The following MX1 variants were observed in gnomAD, a reference collection of about 807,000 sequenced individuals.
MX1 encodes the protein interferon-induced GTP-binding protein Mx1.
MX1 carries 66 observed loss-of-function variants against 66.4 expected under a neutral mutation model. That is an observed-to-expected ratio of 0.99 (90% CI 0.82 to 1.22). The LOEUF (loss-of-function observed/expected upper bound fraction) is 1.22, where lower values mean the gene tolerates loss of function less well. Ranked by LOEUF, MX1 falls within the 50% of genes most tolerant of loss-of-function variation. The pLI is 0.00. For synonymous variants in MX1, 311 were observed against 318.1 expected, an observed-to-expected ratio of 0.98 and a Z score of 0.24; for missense variants, 787 against 834.3, an observed-to-expected ratio of 0.94 and a Z score of 0.70.
intron 16 of MX1, among the ~76,000 whole-genome samples, chr21:41,457,435 T>C (rs1209906612): frequency 2.0e-5 from 3 of 152,230 alleles, no homozygotes; most frequent in Non-Finnish European, 2.9e-5. Context: ...AAGTAATTTC[T>C]TATTTTAACT....
At chr21:41,449,577 T>G (rs1186405227) in intron 14 of MX1, 4 of 309,770 alleles carry the variant, frequency 1.3e-5, no homozygotes, top group Non-Finnish European at 2.3e-5. Context: ...ATTCTTCTGA[T>G]GGACTGTTTA....
intron 16 of MX1, among the ~76,000 whole-genome samples, chr21:41,456,261 A>C (rs2090956391): frequency 6.6e-6 from 1 of 152,174 alleles, no homozygotes; most frequent in Non-Finnish European, 1.5e-5. Flanking sequence ...ACAAACAAAC[A>C]AAAAACAAAA....
intron 7 of MX1, among the ~76,000 whole-genome samples, chr21:41,439,028 G>T (rs1411887160): frequency 6.6e-6 from 1 of 152,148 alleles, no homozygotes; most frequent in Admixed American, 6.5e-5. Context: ...GCCAGAACCC[G>T]ATCTCATGAC....
rs1297354692 is a variant in MX1, at chr21:41,436,944, C to A, written c.299-71C>A. ...ATATGATTGTATAAAAGTTTGAGAA[C>A]CATGGGCCTAAGGCGCTATGTAGGT... On this transcript the variant is annotated intron_variant, in intron 6 of 16. Coordinates refer to ENST00000398598, the MANE Select transcript of MX1 (RefSeq NM_002462.5). 3.2e-6 allele frequency: 5 copies of A among 1,555,746 alleles called. No individual in the cohort carries two copies. The African/African-American group carries it at 6.9e-5, about 21-fold the overall frequency.
rs372880056 is a variant in MX1 at position 41,452,793 on chromosome 21, T to C, written c.1682T>C (p.Phe561Ser). The C allele has an allele frequency of 1.1e-5, 18 of 1,614,102 alleles. No individual in the cohort carries two copies. In the African/African-American group the frequency reaches 2.3e-4, roughly 20 times the overall value. The change falls in exon 16 of 17, where the codon TTT becomes TCT. Residue 561 changes from phenylalanine to serine, a missense_variant. Coordinates refer to ENST00000398598, the MANE Select transcript of MX1 (RefSeq NM_002462.5). ...GAAAAGAAGAAGAAATCCTGGGATT[T>C]TGGGGCTTTCCAGTCCAGCTCGGCA... ...EEEKKKKSWD[F>S]GAFQSSSATD... is the part of the protein sequence containing the mutation.
At chr21:41,452,991 T>G in intron 16 of MX1, 122 bp downstream of exon 16, 1 of 1,139,888 alleles carries the variant, frequency 8.8e-7, no homozygotes, top group Non-Finnish European at 1.3e-6. Context: ...TACCTCCTTG[T>G]TAGCCTCCTG....
exon 1 of MX1, chr21:41,420,682 C>T (rs933533060): frequency 1.3e-5 from 2 of 152,334 alleles, no homozygotes; most frequent in South Asian, 2.1e-4. Flanking sequence ...GCCGGCCTTC[C>T]GATTCCCCAT....
intron 16 of MX1, among the ~76,000 whole-genome samples, chr21:41,454,268 A>T (rs890617597): frequency 1.2e-4 from 18 of 152,210 alleles, no homozygotes; most frequent in African/African-American, 4.1e-4. Context: ...AAGCCATTTT[A>T]TACTGAGTTC....
At chr21:41,440,098 T>A (rs1480709514) in intron 8 of MX1, among the ~76,000 whole-genome samples, 1 of 152,226 alleles carries the variant, frequency 6.6e-6, no homozygotes, top group East Asian at 1.9e-4. Context: ...TCTGTGTATT[T>A]GTTTTATGTT....
intron 3 of MX1, chr21:41,429,130 C>T (rs1195824084): frequency 1.3e-5 from 2 of 152,258 alleles, no homozygotes; most frequent in Non-Finnish European, 2.9e-5. Context: ...TTGGCTCTTC[C>T]AAGGCCGGAA....
chr21:41,446,995 C>T (rs1242012768), intron 13 of MX1, among the ~76,000 whole-genome samples: 2 of 152,142 alleles, frequency 1.3e-5, no homozygotes, highest in East Asian at 3.8e-4. Context: ...AATGACCATC[C>T]ACTGATGAAT....
chr21:41,448,904 A>G (rs1262967937), intron 13 of MX1, among the ~76,000 whole-genome samples: 1 of 147,346 alleles, frequency 6.8e-6, no homozygotes, highest in African/African-American at 2.5e-5. Context: ...TGAGATGACT[A>G]AGGAAAATTA....
chr21:41,443,947 A>G (rs2090588331), intron 11 of MX1, 81 bp downstream of exon 11: 9 of 1,246,478 alleles, frequency 7.2e-6, no homozygotes, highest in Non-Finnish European at 1.2e-6. Flanking sequence ...CTTAAACATC[A>G]CTGTACACAC....
Position 41,435,857 on chromosome 21 carries a change from C to A in MX1, c.126C>A (p.Cys42Ter), listed in dbSNP as rs912913471. The A allele has an allele frequency of 2.5e-6, 4 of 1,610,884 alleles. No homozygotes were observed. Among genetic ancestry groups the A allele is most frequent in the South Asian group, 1.1e-5 (1 of 91,030 alleles). The change falls in exon 6 of 17, where the codon TGC becomes TGA. Residue 42 changes from cysteine (C) to a stop codon, truncating the protein, a stop_gained. Transcript: ENST00000398598. LOFTEE classifies it high-confidence loss of function. ...TCCAGGTGGCTGAGAACAACCTGTG[C>A]AGCCAGTATGAGGAGAAGGTGCGCC... The part of the protein sequence containing the change: ...NPGSVAENNL[C>*]SQYEEKVRPC...
Position 41,441,678 on chromosome 21 carries a change from C to G in MX1, c.731-38C>G. 4 of 1,609,450 alleles carry G rather than the reference C, an allele frequency of 2.5e-6. No homozygotes were observed. The highest frequency in any genetic ancestry group is 3.4e-6 in the Non-Finnish European group (4 of 1,175,802). ...TTGTTCGTTCACCTCTGCCTCGTGA[C>G]TGAGCACGTTCTCTCCCCAAATACA... is the stretch of plus-strand genomic sequence containing the variant. On this transcript the variant is annotated intron_variant, in intron 9 of 16. Transcript: ENST00000398598. This position sits in a 1 kb window ranked among gnomAD's most constrained non-coding sequence, Gnocchi z 4.0.
chr21:41,427,180 C>A (rs1191362891), intron 1 of MX1, 26 bp from the exon 2 acceptor site: 1 of 152,234 alleles, frequency 6.6e-6, no homozygotes, highest in African/African-American at 2.4e-5. Context: ...CCAAAGGGCT[C>A]CTAAAATGGC....
In MX1 at chr21:41,449,294, G is replaced by A. The variant is rs781491464; in HGVS notation, c.1431G>A (p.Thr477=). The change falls in exon 14 of 17, where the codon ACG becomes ACA. Residue 477 remains threonine, a splice_region_variant and synonymous_variant. Transcript: ENST00000398598. ...CTGTGGATATGCTACACACCGTGAC[G>A]GGTGAGTGCTCAGTTTCACCTCTGA... ...EPAVDMLHTV[T]DMVRLAFTDV... is the part of the protein sequence containing the mutation. 7 of 1,608,098 alleles carry A rather than the reference G, an allele frequency of 4.4e-6. No homozygotes were observed. The highest frequency in any genetic ancestry group is 1.7e-5 in the Admixed American group (1 of 58,502).
chr21:41,435,901 A>G lies in MX1; in HGVS notation c.170A>G (p.Asp57Gly). The stretch of plus-strand genomic sequence containing the variant: ...GTGCGCCCCTGCATCGACCTCATTG[A>G]CTCCCTGCGGGCTCTAGGTGTGGAG... ...EKVRPCIDLI[D>G]SLRALGVEQD... Residue 57 changes from aspartate (D) to glycine (G), a missense_variant, in exon 6 of 17, where the codon GAC (aspartate) becomes GGC (glycine). By Grantham distance (94) the Asp-to-Gly change is moderately conservative. Coordinates refer to ENST00000398598, the MANE Select transcript of MX1 (RefSeq NM_002462.5). 2 of 1,614,052 alleles carry G rather than the reference A, an allele frequency of 1.2e-6. No homozygotes were observed. Among genetic ancestry groups the G allele is most frequent in the South Asian group, 1.1e-5 (1 of 91,064 alleles).
At chr21:41,442,028 TGTGTGTGTGTGC>T (rs879079023) in intron 10 of MX1, 114 bp downstream of exon 10, 13,723 of 863,944 alleles carry the variant, frequency 0.016, 201 homozygotes, top group East Asian at 0.13. Flanking sequence ...TGTGTGTGCG[TGTGTGTGTGTGC>T]GCGTGTGTGT....
Sources: allele counts gnomAD v4.1 joint callset (sites outside exome capture counted in the v4.1 genomes callset), GRCh38; gene constraint gnomAD v4.1.1; non-coding constraint Gnocchi (gnomAD v3.1); transcripts MANE v1.5; gene names NCBI Gene and HGNC (gene_info 2026-07-23, HGNC 2026-07-21).